Variants in ABR observed in about 807,000 individuals in gnomAD.
ABR encodes active breakpoint cluster region-related protein.
In ABR, 35 loss-of-function variants were observed where a neutral mutation model predicts 107.2. That is an observed-to-expected ratio of 0.33 (90% confidence interval 0.25 to 0.43). The LOEUF (loss-of-function observed/expected upper bound fraction) is 0.43, where lower values mean the gene tolerates loss of function less well. Ranked by LOEUF, ABR falls within the 20% of genes least tolerant of loss-of-function variation. ABR has a pLI of 1.00. For missense variants in ABR, 815 were observed against 1,115.2 expected (o/e 0.73, Z 3.83); for synonymous variants, 498 against 462.0 (o/e 1.08, Z -1.00).
intron 4 of ABR, chr17:1,083,829 G>C: frequency 3.5e-6 from 2 of 566,690 alleles, no homozygotes; most frequent in South Asian, 1.9e-5. Flanking sequence ...AACCAGCTCA[G>C]CCAATAAGGT....
chr17:1,055,979 G>C, intron 14 of ABR, 56 bp downstream of exon 14: 1 of 1,521,042 alleles, frequency 6.6e-7, no homozygotes, highest in Middle Eastern at 1.7e-4. Flanking sequence ...ATCCTGGGCA[G>C]AGCAGTGCAG....
chr17:1,058,594 G>T, intron 11 of ABR, 151 bp downstream of exon 11: 1 of 1,052,906 alleles, frequency 9.5e-7, no homozygotes, highest in Non-Finnish European at 1.3e-6. Flanking sequence ...CACGAGAGGG[G>T]AGAGCGAGTC....
At chr17:1,046,085 G>T (rs2031544638) in intron 16 of ABR, among the ~76,000 whole-genome samples, 1 of 152,024 alleles carries the variant, frequency 6.6e-6, no homozygotes. Context: ...TGACCAGGCT[G>T]GTTTCGAACT....
Position 1,069,981 on chromosome 17 carries a change from T to G in ABR, c.1004A>C (p.Lys335Thr). 1 of 1,568,134 alleles carries G rather than the reference T, an allele frequency of 6.4e-7. No homozygotes were observed. Among genetic ancestry groups the G allele is most frequent in the Non-Finnish European group, 8.7e-7 (1 of 1,152,688 alleles). ...CTCACACACTCACCCTGCAGAGGTCTTCTTCAGCTTGGCACACAGTAGGAC... is the reference window on the plus strand; with the variant it reads ...CTCACACACTCACCCTGCAGAGGTCGTCTTCAGCTTGGCACACAGTAGGAC... ...TDVLLCAKLK[K>T]TSAGKHQQYD... is the part of the protein sequence containing the mutation. The change falls in exon 9 of 23, where the codon AAG becomes ACG. Residue 335 changes from lysine (K) to threonine (T), a missense_variant. Coordinates refer to ENST00000302538, the MANE Select transcript of ABR (RefSeq NM_021962.5).
intron 1 of ABR, among the ~76,000 whole-genome samples, chr17:1,203,324 T>C (rs1390783866): frequency 8.8e-5 from 3 of 34,198 alleles, no homozygotes; most frequent in Non-Finnish European, 1.9e-4. Flanking sequence ...GCGGAGTCCA[T>C]GGGGGGCGGG....
At chr17:1,225,529 G>A (rs2043197615) in intron 1 of ABR, among the ~76,000 whole-genome samples, 1 of 152,080 alleles carries the variant, frequency 6.6e-6, no homozygotes, top group Admixed American at 6.6e-5. Flanking sequence ...GCACACTCTT[G>A]TCATCCCAGC....
intron 1 of ABR, among the ~76,000 whole-genome samples, chr17:1,149,830 C>T (rs540193361): frequency 3.3e-5 from 5 of 152,328 alleles, no homozygotes; most frequent in South Asian, 2.1e-4. Flanking sequence ...CCAGGCTCTC[C>T]GAATTCCACT....
chr17:1,195,253 G>A (rs920101659), intron 1 of ABR, among the ~76,000 whole-genome samples: 5 of 133,702 alleles, frequency 3.7e-5, no homozygotes, highest in African/African-American at 1.3e-4. Context: ...CTTGCAGTGA[G>A]CGGAGATCGC....
intron 2 of ABR, among the ~76,000 whole-genome samples, chr17:1,103,762 G>A (rs536124478): frequency 2.0e-5 from 3 of 152,320 alleles, no homozygotes; most frequent in African/African-American, 7.2e-5. Flanking sequence ...AGTTTTGGCT[G>A]AGATTGGAGC....
chr17:1,173,243 CAA>C (rs2041803228), intron 1 of ABR, among the ~76,000 whole-genome samples: 2 of 132,048 alleles, frequency 1.5e-5, no homozygotes, highest in Admixed American at 1.5e-4. Context: ...TCAGCCCACC[CAA>C]CACATCACCT....
chr17:1,180,677 C>T (rs191197641), upstream of ABR, among the ~76,000 whole-genome samples: 13 of 152,342 alleles, frequency 8.5e-5, no homozygotes, highest in East Asian at 1.7e-3. Flanking sequence ...CCTGGAAAGC[C>T]CATCGTGTTT....
At chr17:1,109,233 T>TCCGCCG (rs972518297) in intron 2 of ABR, 33 of 924,170 alleles carry the variant, frequency 3.6e-5, no homozygotes, top group Middle Eastern at 3.7e-4. Flanking sequence ...TCCAGCCCGC[T>TCCGCCG]CCGCCGCCGC....
chr17:1,033,268 G>T (rs920698717), intron 16 of ABR, among the ~76,000 whole-genome samples: 1 of 152,224 alleles, frequency 6.6e-6, no homozygotes, highest in African/African-American at 2.4e-5. Context: ...TTGAGGAATA[G>T]GTGGCTTCCC....
intron 2 of ABR, among the ~76,000 whole-genome samples, chr17:1,108,638 C>A (rs986299424): frequency 1.3e-5 from 2 of 152,274 alleles, no homozygotes; most frequent in African/African-American, 4.8e-5. Flanking sequence ...TCCTGCCCAC[C>A]CGCTCCAGGG....
rs2073289238 is a variant in ABR at position 1,037,535 on chromosome 17, C to T, written c.1791+12515G>A. Reference sequence around the variant, plus strand: ...TGGTCATGGAAAAGGGTGAAAAATGCACTTGAGCCTTTGGGAACATCTTGC... The same window carrying T: ...TGGTCATGGAAAAGGGTGAAAAATGTACTTGAGCCTTTGGGAACATCTTGC... On this transcript the variant is annotated intron_variant, in intron 16 of 22. Coordinates refer to ENST00000302538, the MANE Select transcript of ABR (RefSeq NM_021962.5). This position sits in a 1 kb window ranked among gnomAD's most constrained non-coding sequence, Gnocchi z 4.6. Among the ~76,000 whole-genome samples the T allele has an allele frequency of 6.6e-6, 1 of 152,234 alleles. No homozygotes were observed.
In ABR at chr17:1,078,763, CCCCCA is replaced by C; in HGVS notation, c.700+562_700+566del. The C allele has an allele frequency of 6.6e-7, 1 of 1,523,212 alleles. No homozygotes were observed. The highest frequency in any genetic ancestry group is 8.8e-7 in the Non-Finnish European group (1 of 1,136,414). 94.4% of individuals were successfully genotyped at this position (1,523,212 alleles called of 1,614,324 possible). A position where few individuals can be genotyped will look rare whatever the true frequency, so the allele number is the denominator to read the frequency against. ...CCACATCTAAGCCCACTCCAGCCGG[CCCCCA>C]GAGGTGGGAGGGTCCGCCACCTCCC... On this transcript the variant is annotated intron_variant, in intron 6 of 22. Coordinates refer to ENST00000302538, the MANE Select transcript of ABR (RefSeq NM_021962.5). This position sits in a 1 kb window ranked among gnomAD's most constrained non-coding sequence, Gnocchi z 7.5.
chr17:1,012,180 G>A (rs2070644714), intron 18 of ABR, 195 bp from the exon 19 acceptor site: 6 of 857,138 alleles, frequency 7.0e-6, no homozygotes, highest in Non-Finnish European at 1.1e-5. Context: ...TGCCGAAGGG[G>A]CATCGACGGA....
At chr17:1,203,756 C>T (rs950989710) in intron 1 of ABR, among the ~76,000 whole-genome samples, 13 of 152,126 alleles carry the variant, frequency 8.5e-5, no homozygotes, top group Admixed American at 7.2e-4. Context: ...CCGGGCCTGC[C>T]TACACCCTGG....
intron 2 of ABR, chr17:1,108,815 CTCCG>C: frequency 1.7e-6 from 2 of 1,180,798 alleles, no homozygotes; most frequent in Non-Finnish European, 2.1e-6. Flanking sequence ...GGCCGGGACC[CTCCG>C]CCGAGGGCTT....
Sources: gnomAD v4.1 joint callset for allele counts (sites outside exome capture counted in the v4.1 genomes callset) on GRCh38, gnomAD v4.1.1 for gene constraint, Gnocchi (gnomAD v3.1) non-coding constraint, MANE v1.5 for transcripts, NCBI Gene and HGNC (gene_info 2026-07-23, HGNC 2026-07-21) for gene names.